FOXP1: variants seen among roughly 807,000 people sequenced by gnomAD.
FOXP1 encodes the protein forkhead box P1.
Under a neutral mutation model 98.2 loss-of-function variants are expected in FOXP1, and 15 were observed. That is an observed-to-expected ratio of 0.15 (90% CI 0.10 to 0.24). The LOEUF is 0.24. Ranked by LOEUF, FOXP1 falls within the 10% of genes least tolerant of loss-of-function variation. The pLI is 1.00. For missense variants in FOXP1, 633 were observed against 848.5 expected (o/e 0.75, Z 3.15); for synonymous variants, 371 against 314.5 (o/e 1.18, Z -1.90).
intron 3 of FOXP1, among the ~76,000 whole-genome samples, chr3:71,405,584 A>G (rs990096008): frequency 1.3e-5 from 2 of 152,160 alleles, no homozygotes; most frequent in African/African-American, 4.8e-5. Context: ...CCACAGATTT[A>G]GGCCCTAAAC....
chr3:71,153,482 A>G (rs756161478), intron 6 of FOXP1, among the ~76,000 whole-genome samples: 1 of 149,386 alleles, frequency 6.7e-6, no homozygotes, highest in South Asian at 2.2e-4. Flanking sequence ...CGTTGACCAC[A>G]GGCTGCCCCC....
intron 5 of FOXP1, among the ~76,000 whole-genome samples, chr3:71,230,473 G>T (rs1393237245): frequency 1.3e-5 from 2 of 152,166 alleles, no homozygotes; most frequent in African/African-American, 4.8e-5. Flanking sequence ...GGAAACAAAG[G>T]AACAGGAGGG....
intron 5 of FOXP1, among the ~76,000 whole-genome samples, chr3:71,269,664 A>T (rs1461540712): frequency 2.0e-5 from 3 of 152,218 alleles, no homozygotes; most frequent in Non-Finnish European, 4.4e-5. Flanking sequence ...GCCACTAGGG[A>T]TAATTAAAAG....
chr3:71,468,460 C>T (rs1005776439), intron 3 of FOXP1, among the ~76,000 whole-genome samples: 7 of 152,152 alleles, frequency 4.6e-5, no homozygotes, highest in South Asian at 2.1e-4. Flanking sequence ...ACCTGCTCTT[C>T]GACACGTGAT....
chr3:71,203,646 G>C (rs1312852584), intron 5 of FOXP1, among the ~76,000 whole-genome samples: 1 of 152,160 alleles, frequency 6.6e-6, no homozygotes, highest in Non-Finnish European at 1.5e-5. Flanking sequence ...AATTAACTTG[G>C]CTGATCAATT....
intron 3 of FOXP1, among the ~76,000 whole-genome samples, chr3:71,387,559 TG>T (rs2080685653): frequency 6.6e-6 from 1 of 152,246 alleles, no homozygotes; most frequent in South Asian, 2.1e-4. Flanking sequence ...CACACCTGAA[TG>T]ACTTAATATT....
intron 5 of FOXP1, among the ~76,000 whole-genome samples, chr3:71,200,644 T>TTAATGTGAAA (rs2063613645): frequency 6.6e-6 from 1 of 152,186 alleles, no homozygotes; most frequent in African/African-American, 2.4e-5. Context: ...AATTAAGACT[T>TTAATGTGAAA]TAATGTGAAA....
chr3:71,133,026 C>A (rs1384263893), intron 6 of FOXP1, among the ~76,000 whole-genome samples: 1 of 151,170 alleles, frequency 6.6e-6, no homozygotes, highest in Middle Eastern at 3.2e-3. Context: ...AACACTTACT[C>A]CAAACATCTC....
chr3:71,211,333 G>A (rs1376983292), intron 5 of FOXP1, among the ~76,000 whole-genome samples: 2 of 152,084 alleles, frequency 1.3e-5, no homozygotes, highest in Non-Finnish European at 2.9e-5. Flanking sequence ...AGCTTCCCGA[G>A]TAGCTGGGAT....
chr3:70,987,927 G>A (rs2040010400), intron 14 of FOXP1, 67 bp downstream of exon 14: 2 of 1,435,638 alleles, frequency 1.4e-6, no homozygotes, highest in Non-Finnish European at 2.0e-6. Context: ...CTCCATTTGG[G>A]GTGGGGAAGT....
chr3:70,958,444 A>G lies in FOXP1; in HGVS notation c.*803T>C, dbSNP rs2032383479. ...ACGGAATGTTTTCTGACTTTAGAGA[A>G]ACGTGGTGATGTCTGAAGGAAGATG... is the stretch of plus-strand genomic sequence containing the variant. On this transcript the variant is annotated 3_prime_UTR_variant, in exon 21 of 21. Coordinates refer to ENST00000649528, the MANE Select transcript of FOXP1 (RefSeq NM_001349338.3). 1 of 426,804 alleles carries G rather than the reference A, an allele frequency of 2.3e-6. No homozygotes were observed. The highest frequency in any genetic ancestry group is 2.0e-5 in the African/African-American group (1 of 50,264). 26.4% of individuals were successfully genotyped at this position (426,804 alleles called of 1,614,324 possible).
intron 4 of FOXP1, among the ~76,000 whole-genome samples, chr3:71,346,461 T>A (rs1032807647): frequency 1.3e-5 from 2 of 152,190 alleles, no homozygotes; most frequent in Non-Finnish European, 2.9e-5. Flanking sequence ...GTTGTTTTCA[T>A]CCAAGGTTAT....
chr3:71,573,992 T>C (rs1037679007), intron 2 of FOXP1: 2 of 152,196 alleles, frequency 1.3e-5, no homozygotes, highest in Admixed American at 6.5e-5. Flanking sequence ...GTGGTAACTA[T>C]GTGTCCTCTA....
chr3:71,092,484 A>T (rs1559912149), intron 7 of FOXP1, among the ~76,000 whole-genome samples: 1 of 152,184 alleles, frequency 6.6e-6, no homozygotes, highest in Non-Finnish European at 1.5e-5. Context: ...CGGAAACTGA[A>T]GGTCACGTTC....
intron 16 of FOXP1, 94 bp from the exon 17 acceptor site, chr3:70,977,136 A>G (rs1441425292): frequency 1.2e-6 from 1 of 865,194 alleles, no homozygotes; most frequent in Non-Finnish European, 2.0e-6. Flanking sequence ...ACTGTGATTC[A>G]GAGCTAAATC....
intron 2 of FOXP1, among the ~76,000 whole-genome samples, chr3:71,551,119 TG>T (rs1321879656): frequency 6.6e-6 from 1 of 152,242 alleles, no homozygotes; most frequent in Non-Finnish European, 1.5e-5. Context: ...ATGCCTGGAA[TG>T]GATAGCTTTA....
intron 3 of FOXP1, among the ~76,000 whole-genome samples, chr3:71,425,304 T>G (rs939790789): frequency 2.6e-5 from 4 of 152,176 alleles, no homozygotes; most frequent in African/African-American, 9.7e-5. Flanking sequence ...TGTTGTATTT[T>G]TAGTAGAGAC....
intron 3 of FOXP1, among the ~76,000 whole-genome samples, chr3:71,444,263 G>C (rs1001824075): frequency 5.3e-5 from 8 of 152,080 alleles, no homozygotes; most frequent in Non-Finnish European, 8.8e-5. Context: ...GCTGCCTCTC[G>C]TCCCACTCCA....
chr3:71,346,638 G>A (rs149260115), intron 4 of FOXP1, among the ~76,000 whole-genome samples: 2 of 152,026 alleles, frequency 1.3e-5, no homozygotes, highest in Non-Finnish European at 2.9e-5. Context: ...ACGGATGCGG[G>A]GTAAGACTTT....
Sources: gnomAD v4.1 joint callset for allele counts (sites outside exome capture counted in the v4.1 genomes callset) on GRCh38, gnomAD v4.1.1 for gene constraint, MANE v1.5 for transcripts, NCBI Gene and HGNC (gene_info 2026-07-23, HGNC 2026-07-21) for gene names.